The following PPP2R2C variants were observed in gnomAD, a reference collection of about 807,000 sequenced individuals.
PPP2R2C encodes the protein protein phosphatase 2 regulatory subunit Bgamma.
PPP2R2C carries 10 observed loss-of-function variants against 45.3 expected under a neutral mutation model. The ratio of observed to expected loss-of-function variants is 0.22; its 90% confidence interval spans 0.14 to 0.37. The LOEUF is 0.37. Among genes scored for constraint, PPP2R2C ranks in the 10% least tolerant of loss-of-function variants. The pLI is 1.00. For missense variants in PPP2R2C, 308 were observed against 619.7 expected, an observed-to-expected ratio of 0.50 and a Z score of 5.34; for synonymous variants, 257 against 245.4, an observed-to-expected ratio of 1.05 and a Z score of -0.44.
intron 1 of PPP2R2C, among the ~76,000 whole-genome samples, chr4:6,454,051 AT>A (rs1356917386): frequency 6.6e-6 from 1 of 152,130 alleles, no homozygotes. Context: ...ATGTTTTTGC[AT>A]TTTTTAACAG....
chr4:6,362,094 G>A (rs1049009121), intron 5 of PPP2R2C, among the ~76,000 whole-genome samples: 3 of 152,108 alleles, frequency 2.0e-5, no homozygotes, highest in African/African-American at 7.2e-5. Flanking sequence ...TGAGAGGCTG[G>A]GTGGCTGAGC....
rs1247255609 is a variant in PPP2R2C, at chr4:6,378,009, T to C, written c.334+398A>G. ...GCGTGGGGAGGAGGGGTTCACTTTG[T>C]GTCAAATATCCCCCGTGTCTGCGAC... On this transcript the variant is annotated intron_variant, in intron 3 of 8. Transcript: ENST00000382599. The surrounding 1 kb of genome is among the most constrained non-coding windows in gnomAD (Gnocchi z 5.2). 6.6e-6 allele frequency among the ~76,000 whole-genome samples: 1 copy of C among 152,178 alleles called. No individual in the cohort carries two copies. The highest frequency in any genetic ancestry group is 1.9e-4 in the East Asian group (1 of 5,166).
At chr4:6,526,494 A>T (rs1023182819) in intron 2 of PPP2R2C, among the ~76,000 whole-genome samples, 1 of 152,250 alleles carries the variant, frequency 6.6e-6, no homozygotes, top group Non-Finnish European at 1.5e-5. Context: ...GTATAACATG[A>T]ATATACTAAA....
At chr4:6,365,306 G>A (rs1296949552) in intron 5 of PPP2R2C, among the ~76,000 whole-genome samples, 6 of 152,222 alleles carry the variant, frequency 3.9e-5, no homozygotes, top group Admixed American at 6.5e-5. Flanking sequence ...CTGACATGCC[G>A]TGAACAGAGC....
At chr4:6,427,036 G>A (rs963577611) in intron 1 of PPP2R2C, among the ~76,000 whole-genome samples, 1 of 152,236 alleles carries the variant, frequency 6.6e-6, no homozygotes, top group African/African-American at 2.4e-5. Context: ...ATCCAAGGGG[G>A]ATGCTGGTGA....
chr4:6,455,885 G>T (rs6814782), intron 1 of PPP2R2C, among the ~76,000 whole-genome samples: 95,326 of 151,150 alleles, frequency 0.63, 30,438 homozygotes, highest in African/African-American at 0.74. Context: ...CCACAGCCTT[G>T]CATCTCTGAC....
In PPP2R2C at chr4:6,408,411, A is replaced by C. The variant is rs116620900; in HGVS notation, c.71-27317T>G. ...GCTGCCCTCCACTGATTGGATCAAG[A>C]GGTAGCCACACCCTCCTAGAGGCAG... On this transcript the variant is annotated intron_variant, in intron 1 of 8. Coordinates refer to ENST00000382599, the MANE Select transcript of PPP2R2C (RefSeq NM_020416.4). Among the ~76,000 whole-genome samples, 859 of 152,228 alleles carry C rather than the reference A, an allele frequency of 5.6e-3. 5 individuals are homozygous for C. The highest frequency in any genetic ancestry group is 0.019 in the African/African-American group (795 of 41,512).
Position 6,387,456 on chromosome 4 carries a change from C to T in PPP2R2C, c.71-6362G>A, listed in dbSNP as rs541588952. On this transcript the variant is annotated intron_variant, in intron 1 of 8. Transcript: ENST00000382599. Reference sequence around the variant, plus strand: ...CACCCAGAAGACTCTTTTAATGTGCCGAAAGAAAATGTTAAAACCTGGAAA... The same window carrying T: ...CACCCAGAAGACTCTTTTAATGTGCTGAAAGAAAATGTTAAAACCTGGAAA... Among the ~76,000 whole-genome samples, 7 of 152,186 alleles carry T rather than the reference C, an allele frequency of 4.6e-5. No individual in the cohort carries two copies. The East Asian group carries it at 5.8e-4, about 13-fold the overall frequency.
chr4:6,341,431 C>A (rs560831659), intron 6 of PPP2R2C, among the ~76,000 whole-genome samples: 5 of 151,740 alleles, frequency 3.3e-5, no homozygotes, highest in Admixed American at 1.3e-4. Flanking sequence ...AAAAAGAGTG[C>A]AGGTTGAAGG....
rs1028529986 is a variant in PPP2R2C, at chr4:6,467,182, C to T, written c.70+4978G>A. Among the ~76,000 whole-genome samples, 11 of 152,218 alleles carry T rather than the reference C, an allele frequency of 7.2e-5. No individual in the cohort carries two copies. In the South Asian group the frequency reaches 2.3e-3, roughly 32 times the overall value. On this transcript the variant is annotated intron_variant, in intron 1 of 8. Transcript: ENST00000382599. ...AAGCGAAAGGAACACAGAATCTGAA[C>T]AGTCCACATCTTGATTTTCAAAAGT...
intron 2 of PPP2R2C, among the ~76,000 whole-genome samples, chr4:6,511,525 ATGGTGGTGGTGG>A (rs758738312): frequency 2.2e-4 from 1 of 4,650 alleles, no homozygotes; most frequent in African/African-American, 6.7e-4. Context: ...GGTGGTGGTG[ATGGTGGTGGTGG>A]TGGTGGTGAT....
chr4:6,483,785 G>T (rs1722445131), intron 2 of PPP2R2C, among the ~76,000 whole-genome samples: 1 of 151,974 alleles, frequency 6.6e-6, no homozygotes, highest in Admixed American at 6.5e-5. Context: ...TTTTGATGAG[G>T]CCAAATTTAT....
intron 2 of PPP2R2C, among the ~76,000 whole-genome samples, chr4:6,508,864 A>T (rs1429585020): frequency 6.6e-6 from 1 of 152,194 alleles, no homozygotes; most frequent in Non-Finnish European, 1.5e-5. Flanking sequence ...CAAAAAACAA[A>T]TCAAGGGAAG....
intron 2 of PPP2R2C, among the ~76,000 whole-genome samples, chr4:6,490,171 C>A (rs2108784931): frequency 6.6e-6 from 1 of 152,350 alleles, no homozygotes; most frequent in Non-Finnish European, 1.5e-5. Flanking sequence ...TCCCCACCTC[C>A]CACCTGGGCC....
intron 1 of PPP2R2C, among the ~76,000 whole-genome samples, chr4:6,470,893 G>A (rs964682538): frequency 2.0e-5 from 3 of 151,878 alleles, no homozygotes; most frequent in African/African-American, 7.2e-5. Flanking sequence ...GGCCCCCGCA[G>A]CCTCCCTCCG....
At chr4:6,360,798 T>C (rs536596040) in intron 5 of PPP2R2C, among the ~76,000 whole-genome samples, 1 of 152,214 alleles carries the variant, frequency 6.6e-6, no homozygotes, top group Non-Finnish European at 1.5e-5. Context: ...TTAAACAGTA[T>C]GTGTTTCTCA....
Position 6,495,651 on chromosome 4 carries a change from A to G in PPP2R2C, c.49+39620T>C, listed in dbSNP as rs4624724. On this transcript the variant is annotated intron_variant, in intron 2 of 9. Transcript: ENST00000506140. ...ACTTTCTCCACCTGGAAATGGAGATAGTAGGTCACTGAGCCTTCCTCCAGG... is the reference window on the plus strand; with the variant it reads ...ACTTTCTCCACCTGGAAATGGAGATGGTAGGTCACTGAGCCTTCCTCCAGG... 7.6e-3 allele frequency among the ~76,000 whole-genome samples: 1,162 copies of G among 152,336 alleles called. 9 individuals carry two copies. The highest frequency in any genetic ancestry group is 0.027 in the African/African-American group (1,113 of 41,578).
At chr4:6,505,507 G>T (rs1374489811) in intron 2 of PPP2R2C, among the ~76,000 whole-genome samples, 1 of 152,182 alleles carries the variant, frequency 6.6e-6, no homozygotes, top group Non-Finnish European at 1.5e-5. Flanking sequence ...AGGAAGTACA[G>T]GTACCTATTG....
Position 6,331,369 on chromosome 4 carries a change from G to T in PPP2R2C, c.961-2016C>A, listed in dbSNP as rs1732403203. Among the ~76,000 whole-genome samples the T allele has an allele frequency of 6.6e-6, 1 of 152,090 alleles. No homozygotes were observed. Among genetic ancestry groups the T allele is most frequent in the African/African-American group, 2.4e-5 (1 of 41,420 alleles). ...GGGAGAATACCGGCCCCACCTCCCA[G>T]GACAGCTGGGAGGCTTAGATGAGGC... On this transcript the variant is annotated intron_variant, in intron 7 of 8. Transcript: ENST00000382599. The surrounding 1 kb of genome is among the most constrained non-coding windows in gnomAD (Gnocchi z 5.9).
Sources: allele counts gnomAD v4.1 joint callset (sites outside exome capture counted in the v4.1 genomes callset), GRCh38; gene constraint gnomAD v4.1.1; non-coding constraint Gnocchi (gnomAD v3.1); transcripts MANE v1.5; gene names NCBI Gene and HGNC (gene_info 2026-07-23, HGNC 2026-07-21).